NELFE: variants seen among roughly 807,000 people sequenced by gnomAD.
The protein encoded by NELFE is negative elongation factor complex member E, also known as negative elongation factor E.
Under a neutral mutation model 55.5 loss-of-function variants are expected in NELFE, and 26 were observed. That is an observed-to-expected ratio of 0.47 (90% CI 0.34 to 0.65). The LOEUF (loss-of-function observed/expected upper bound fraction) is 0.65. NELFE is among the 30% of genes least tolerant of loss of function. The pLI is 0.01. For synonymous variants in NELFE, 162 were observed against 178.0 expected (o/e 0.91, Z 0.72); for missense variants, 403 against 506.9 (o/e 0.80, Z 1.97).
intron 2 of NELFE, 26 bp from the exon 3 acceptor site, chr6:31,957,036 G>C (rs1365745688): frequency 6.3e-7 from 1 of 1,578,358 alleles, no homozygotes; most frequent in Non-Finnish European, 8.6e-7. Flanking sequence ...AGAAGAGAGA[G>C]GTAAGTGAGG....
In NELFE at chr6:31,953,655, C is replaced by T. The variant is rs1310749341; in HGVS notation, c.1045+74G>A. 3 of 1,291,884 alleles carry T rather than the reference C, an allele frequency of 2.3e-6. No homozygotes were observed. The East Asian group carries it at 6.9e-5, about 30-fold the overall frequency. The allele number at this position is 1,291,884 out of a possible 1,614,324, so 80.0% of individuals were successfully genotyped here. ...CTGACCTCGATCATCTCTAGGAAAC[C>T]CAAGGATGTGTGGGGGAACCAAAAG... On this transcript the variant is annotated intron_variant, in intron 10 of 10. Coordinates refer to ENST00000375429, the MANE Select transcript of NELFE (RefSeq NM_002904.6).
At position 31,954,503 on chromosome 6, in the gene NELFE, C is replaced by T. The variant is rs945849819; in HGVS notation, c.742+52G>A. ...CCATGCCACATTTCACTTAGTAGGA[C>T]CCACATAAACCTCAGTTAAGGTCAC... On this transcript the variant is annotated intron_variant, in intron 7 of 10. Transcript: ENST00000375429. The surrounding 1 kb of genome is among the most constrained non-coding windows in gnomAD (Gnocchi z 5.5). 6 of 1,581,120 alleles carry T rather than the reference C, an allele frequency of 3.8e-6. No homozygotes were observed. The African/African-American group carries it at 8.1e-5, about 21-fold the overall frequency.
intron 10 of NELFE, among the ~76,000 whole-genome samples, chr6:31,953,390 C>T (rs2151791356): frequency 6.6e-6 from 1 of 152,192 alleles, no homozygotes; most frequent in South Asian, 2.1e-4. Flanking sequence ...CCTTACCTCA[C>T]ACCTGAGTTC....
intron 4 of NELFE, among the ~76,000 whole-genome samples, chr6:31,955,516 G>A (rs1466802001): frequency 1.5e-5 from 2 of 135,974 alleles, no homozygotes; most frequent in South Asian, 2.4e-4. Flanking sequence ...TAGAGCAATC[G>A]TAGCTTGCTG....
chr6:31,956,877 C>T, intron 3 of NELFE, 39 bp from the exon 4 acceptor site: 5 of 1,613,020 alleles, frequency 3.1e-6, no homozygotes, highest in Non-Finnish European at 4.2e-6. Flanking sequence ...GTTGGCCAAG[C>T]CATGATGAAG....
intron 10 of NELFE, 46 bp from the exon 11 acceptor site, chr6:31,952,444 G>A: frequency 7.0e-7 from 1 of 1,433,590 alleles, no homozygotes; most frequent in Non-Finnish European, 9.7e-7. Flanking sequence ...GGAGATCATA[G>A]AACAGACCCT....
In NELFE at chr6:31,952,296, G is replaced by A. The variant is rs1771821262; in HGVS notation, c.*5C>T. ...TATGAGGCACAAGGAATCCAGCTCT[G>A]TTCCCTAGAAGCCATCCACAAGGTT... On this transcript the variant is annotated 3_prime_UTR_variant, in exon 11 of 11. Coordinates refer to ENST00000375429, the MANE Select transcript of NELFE (RefSeq NM_002904.6). 1 of 1,611,250 alleles carries A rather than the reference G, an allele frequency of 6.2e-7. No homozygotes were observed. Among genetic ancestry groups the A allele is most frequent in the African/African-American group, 1.3e-5 (1 of 74,962 alleles).
intron 10 of NELFE, among the ~76,000 whole-genome samples, chr6:31,953,142 T>G (rs1771864225): frequency 6.6e-6 from 1 of 152,242 alleles, no homozygotes; most frequent in Admixed American, 6.5e-5. Flanking sequence ...CTCCCAGCCC[T>G]CCGACCCCTC....
At chr6:31,956,558 A>T in intron 4 of NELFE, 135 bp downstream of exon 4, 1 of 955,030 alleles carries the variant, frequency 1.0e-6, no homozygotes, top group Non-Finnish European at 1.5e-6. Context: ...TAGTTTTTTC[A>T]TTTTATACAT....
At chr6:31,958,785 G>A (rs1772258525) in intron 1 of NELFE, 107 bp downstream of exon 1, 1 of 689,530 alleles carries the variant, frequency 1.5e-6, no homozygotes, top group South Asian at 1.5e-5. Context: ...TTGAACGGCA[G>A]AGAAGGCGGT....
In NELFE at chr6:31,958,384, C is replaced by T. The variant is rs752045424; in HGVS notation, c.63G>A (p.Lys21=). The change falls in exon 2 of 11, where the codon AAG becomes AAA. Residue 21 remains lysine, a synonymous_variant. Transcript: ENST00000375429. The part of the protein sequence containing the change: ...EEEALQKKFN[K]LKKKKKALLA... ...CACAGTCCCTCACCTTTTTCTTGAG[C>T]TTGTTGAATTTCTTCTGCAGAGCCT... 20 of 1,613,046 alleles carry T rather than the reference C, an allele frequency of 1.2e-5. No homozygotes were observed. The South Asian group carries it at 2.1e-4, about 17-fold the overall frequency.
intron 10 of NELFE, 33 bp from the exon 11 acceptor site, chr6:31,952,431 A>C: frequency 6.6e-7 from 1 of 1,518,882 alleles, no homozygotes; most frequent in East Asian, 2.3e-5. Flanking sequence ...GTTAAGGTCT[A>C]AAGGAGATCA....
At chr6:31,955,123 G>GA (rs1331851284) in intron 5 of NELFE, 27 bp from the exon 6 acceptor site, 6 of 1,612,894 alleles carry the variant, frequency 3.7e-6, no homozygotes, top group Non-Finnish European at 5.1e-6. Flanking sequence ...GAACAGTTAA[G>GA]ATGATTTCCA....
In NELFE at chr6:31,957,282, A is replaced by C. The variant is rs150900368; in HGVS notation, c.76-272T>G. 1,981 of 615,062 alleles carry C rather than the reference A, an allele frequency of 3.2e-3. 30 individuals are homozygous for C. Among genetic ancestry groups the C allele is most frequent in the African/African-American group, 0.032 (1,754 of 54,558 alleles). 38.1% of individuals were successfully genotyped at this position (615,062 alleles called of 1,614,324 possible). A position where few individuals can be genotyped will look rare whatever the true frequency, so the allele number is the denominator to read the frequency against. Reference sequence around the variant, plus strand: ...TAACTCAATCATGGACTAGAATCCTAGGATATAAGCTGCAAGTAAGTATAA... The same window carrying C: ...TAACTCAATCATGGACTAGAATCCTCGGATATAAGCTGCAAGTAAGTATAA... On this transcript the variant is annotated intron_variant, in intron 2 of 10. Transcript: ENST00000375429.
chr6:31,956,629 C>T, intron 4 of NELFE, 64 bp downstream of exon 4: 8 of 1,529,854 alleles, frequency 5.2e-6, no homozygotes, highest in South Asian at 1.3e-5. Context: ...ATATTTTTCC[C>T]CAAACCCATC....
chr6:31,954,510 A>T lies in NELFE; in HGVS notation c.742+45T>A, dbSNP rs917546840. Reference sequence around the variant, plus strand: ...ACATTTCACTTAGTAGGACCCACATAAACCTCAGTTAAGGTCACCTTGACC... The same window carrying T: ...ACATTTCACTTAGTAGGACCCACATTAACCTCAGTTAAGGTCACCTTGACC... On this transcript the variant is annotated intron_variant, in intron 7 of 10. Transcript: ENST00000375429. This position sits in a 1 kb window ranked among gnomAD's most constrained non-coding sequence, Gnocchi z 5.5. 10 of 1,584,788 alleles carry T rather than the reference A, an allele frequency of 6.3e-6. No individual in the cohort carries two copies. The highest frequency in any genetic ancestry group is 8.6e-6 in the Non-Finnish European group (10 of 1,162,938).
intron 4 of NELFE, 49 bp from the exon 5 acceptor site, chr6:31,955,342 C>G: frequency 7.0e-7 from 1 of 1,422,166 alleles, no homozygotes; most frequent in Non-Finnish European, 9.5e-7. Flanking sequence ...GGTTGCCCAA[C>G]CATGGACCAG....
chr6:31,953,829 G>A lies in NELFE; in HGVS notation c.945C>T (p.Leu315=), dbSNP rs780909801. 2.5e-6 allele frequency: 4 copies of A among 1,612,728 alleles called. No individual in the cohort carries two copies. Among genetic ancestry groups the A allele is most frequent in the Non-Finnish European group, 2.5e-6 (3 of 1,179,696 alleles). Residue 315 remains leucine, a splice_region_variant and synonymous_variant, in exon 10 of 11, where the codon CTC becomes CTT. Transcript: ENST00000375429. The stretch of plus-strand genomic sequence containing the variant: ...GTACAGACTCCACCTGGGTCCCGTT[G>A]AGCTGAAGCAGAAGAGGGGAGGCAG... ...MESADQAVAE[L]NGTQVESVQL...
Position 31,954,389 on chromosome 6 carries a change from CAT to C in NELFE, c.794_795del (p.Tyr265CysfsTer23). On this transcript the variant is annotated frameshift_variant, in exon 8 of 11. Coordinates refer to ENST00000375429, the MANE Select transcript of NELFE (RefSeq NM_002904.6). LOFTEE classifies it high-confidence loss of function. The surrounding 1 kb of genome is among the most constrained non-coding windows in gnomAD (Gnocchi z 5.5). ...RRAPRKGNTLYVYGEDMTPTL... is the reference protein window; with the variant it reads ...RRAPRKGNTLXVYGEDMTPTL... The stretch of plus-strand genomic sequence containing the variant: ...GTGGGTGTCATGTCTTCTCCATATA[CAT>C]AGAGAGTATTCCCTTTCCTAGGGGC... The C allele has an allele frequency of 6.2e-7, 1 of 1,612,584 alleles. No individual in the cohort carries two copies. The highest frequency in any genetic ancestry group is 8.5e-7 in the Non-Finnish European group (1 of 1,179,312).
Sources: gnomAD v4.1 joint callset for allele counts (sites outside exome capture counted in the v4.1 genomes callset) on GRCh38, gnomAD v4.1.1 for gene constraint, Gnocchi (gnomAD v3.1) non-coding constraint, MANE v1.5 for transcripts, NCBI Gene and HGNC (gene_info 2026-07-23, HGNC 2026-07-21) for gene names.